CXCL17: variants seen among roughly 807,000 people sequenced by gnomAD.
CXCL17 encodes C-X-C motif chemokine 17.
In CXCL17, 9 loss-of-function variants were observed where a neutral mutation model predicts 15.5. The observed-to-expected ratio is 0.58, with a 90% CI of 0.35 to 1.01. The LOEUF (loss-of-function observed/expected upper bound fraction) is 1.01, where lower values mean the gene tolerates loss of function less well. Ranked by LOEUF, CXCL17 falls within the 50% of genes least tolerant of loss-of-function variation. The pLI is 0.02. For synonymous variants in CXCL17, 52 were observed against 52.3 expected (o/e 0.99, Z 0.02); for missense variants, 133 against 138.2 (o/e 0.96, Z 0.19).
At chr19:42,438,660 A>G (rs1321184309) in intron 1 of CXCL17, among the ~76,000 whole-genome samples, 1 of 151,920 alleles carries the variant, frequency 6.6e-6, no homozygotes, top group African/African-American at 2.4e-5. Context: ...CAGTGCCCAT[A>G]GTCTGTAAAT....
At chr19:42,442,029 T>C (rs551702424) in intron 1 of CXCL17, among the ~76,000 whole-genome samples, 1 of 152,222 alleles carries the variant, frequency 6.6e-6, no homozygotes, top group East Asian at 1.9e-4. Flanking sequence ...TTCCTGATCT[T>C]CTATAAAGGT....
intron 1 of CXCL17, among the ~76,000 whole-genome samples, chr19:42,435,852 G>A (rs931505936): frequency 1.3e-5 from 2 of 151,628 alleles, no homozygotes; most frequent in African/African-American, 2.4e-5. Context: ...AAAAGTAGGG[G>A]GGATCCTAGA....
intron 1 of CXCL17, 123 bp downstream of exon 1, chr19:42,442,631 G>A: frequency 1.5e-6 from 1 of 655,848 alleles, no homozygotes; most frequent in Non-Finnish European, 2.7e-6. Flanking sequence ...GAGGAAACTG[G>A]CATTGAGAAA....
intron 1 of CXCL17, among the ~76,000 whole-genome samples, chr19:42,435,828 T>TAA (rs34518705): frequency 8.5e-4 from 117 of 136,854 alleles, no homozygotes; most frequent in East Asian, 1.5e-3. Context: ...AGACTTTGTC[T>TAA]AAAAAAAAAA....
In CXCL17 at chr19:42,433,779, T is replaced by C; in HGVS notation, c.157A>G (p.Lys53Glu). The part of the protein sequence containing the change: ...LQEGGQECEC[K>E]DWFLRAPRRK... Reference sequence around the variant, plus strand: ...TTGTTGTTGCTGAATTACTGACCTTTGCACTCACATTCTTGGCCGCCTTCC... The same window carrying C: ...TTGTTGTTGCTGAATTACTGACCTTCGCACTCACATTCTTGGCCGCCTTCC... The change falls in exon 2 of 4, where the codon AAA becomes GAA. Residue 53 changes from lysine (K) to glutamate (E), a missense_variant. Lys to Glu is a moderately conservative substitution (Grantham distance 56). Transcript: ENST00000601181. 1.9e-6 allele frequency: 3 copies of C among 1,613,848 alleles called. No individual in the cohort carries two copies. Among genetic ancestry groups the C allele is most frequent in the Non-Finnish European group, 2.5e-6 (3 of 1,179,818 alleles).
chr19:42,432,866 G>T, intron 3 of CXCL17, 110 bp downstream of exon 3: 1 of 786,234 alleles, frequency 1.3e-6, no homozygotes, highest in Non-Finnish European at 2.2e-6. Context: ...TGAGTTGTGT[G>T]CTTATCCTGG....
At chr19:42,433,478 T>C (rs112780762) in intron 2 of CXCL17, among the ~76,000 whole-genome samples, 1 of 151,770 alleles carries the variant, frequency 6.6e-6, no homozygotes, top group African/African-American at 2.4e-5. Flanking sequence ...AGGAAGCTTT[T>C]GGAAGGCCAG....
At chr19:42,437,895 T>G (rs7254839) in intron 1 of CXCL17, among the ~76,000 whole-genome samples, 11,129 of 152,124 alleles carry the variant, frequency 0.073, 1,325 homozygotes, top group African/African-American at 0.25. Context: ...GTTAATAATA[T>G]TCCTCCCTTA....
intron 1 of CXCL17, 75 bp from the exon 2 acceptor site, chr19:42,433,931 A>G: frequency 9.7e-7 from 1 of 1,033,088 alleles, no homozygotes; most frequent in South Asian, 1.3e-5. Flanking sequence ...TGTTCTACCT[A>G]GGTCAGCACA....
intron 3 of CXCL17, 53 bp from the exon 4 acceptor site, chr19:42,429,034 CTTT>C: frequency 8.1e-7 from 1 of 1,227,624 alleles, no homozygotes; most frequent in Non-Finnish European, 1.1e-6. Flanking sequence ...TTTAACATTT[CTTT>C]TTTTTTTGGA....
At chr19:42,439,253 CAAAAAAAAA>C (rs58768697) in intron 1 of CXCL17, among the ~76,000 whole-genome samples, 1 of 77,510 alleles carries the variant, frequency 1.3e-5, no homozygotes, top group African/African-American at 4.4e-5. Flanking sequence ...GACTCTATCT[CAAAAAAAAA>C]AAAAAAAAAA....
At chr19:42,440,845 G>C (rs1413311305) in intron 1 of CXCL17, among the ~76,000 whole-genome samples, 1 of 151,388 alleles carries the variant, frequency 6.6e-6, no homozygotes, top group Non-Finnish European at 1.5e-5. Context: ...GTTGACCAAG[G>C]GTGGTTCCCC....
At chr19:42,437,379 A>G (rs2040844219) in intron 1 of CXCL17, among the ~76,000 whole-genome samples, 1 of 152,250 alleles carries the variant, frequency 6.6e-6, no homozygotes, top group African/African-American at 2.4e-5. Context: ...TAAAGTAAAA[A>G]GAAGCTTATT....
intron 1 of CXCL17, among the ~76,000 whole-genome samples, chr19:42,436,660 A>G (rs756954759): frequency 2.6e-5 from 4 of 152,192 alleles, no homozygotes; most frequent in African/African-American, 4.8e-5. Context: ...TTTTCCATTC[A>G]TAGGCATGTT....
chr19:42,442,920 G>T lies in CXCL17; in HGVS notation c.-88C>A. On this transcript the variant is annotated 5_prime_UTR_variant, in exon 1 of 4. Transcript: ENST00000601181. Reference sequence around the variant, plus strand: ...CTCCTGATCCCTGGGGATGACTCAGGTCAGGATACTCAGCCTGGTGGTCTA... The same window carrying T: ...CTCCTGATCCCTGGGGATGACTCAGTTCAGGATACTCAGCCTGGTGGTCTA... The T allele has an allele frequency of 2.1e-6, 2 of 974,202 alleles. No individual in the cohort carries two copies. The highest frequency in any genetic ancestry group is 3.2e-6 in the Non-Finnish European group (2 of 628,436). 60.3% of individuals were successfully genotyped at this position (974,202 alleles called of 1,614,324 possible). A position where few individuals can be genotyped will look rare whatever the true frequency, so the allele number is the denominator to read the frequency against.
In CXCL17 at chr19:42,428,949, G is replaced by A; in HGVS notation, c.295C>T (p.His99Tyr). Residue 99 changes from histidine to tyrosine, a missense_variant, in exon 4 of 4, where the codon CAT (histidine) becomes TAT (tyrosine). His to Tyr is a moderately conservative substitution (Grantham distance 83). Coordinates refer to ENST00000601181, the MANE Select transcript of CXCL17 (RefSeq NM_198477.3). ...AGAAATTGCTGGCAGGCTCTGGAAT[G>A]CTTGTTTGGCTTTCTGTGGTGCCTT... ...HQRHHRKPNK[H>Y]SRACQQFLKQ... The A allele has an allele frequency of 6.2e-7, 1 of 1,614,184 alleles. No homozygotes were observed.
chr19:42,437,186 C>T (rs984520007), intron 1 of CXCL17, among the ~76,000 whole-genome samples: 1 of 152,172 alleles, frequency 6.6e-6, no homozygotes, highest in East Asian at 1.9e-4. Flanking sequence ...ATCCGCTCCC[C>T]TCGGCCTCCC....
chr19:42,440,494 C>T (rs186628246), intron 1 of CXCL17, among the ~76,000 whole-genome samples: 1 of 152,272 alleles, frequency 6.6e-6, no homozygotes, highest in East Asian at 1.9e-4. Flanking sequence ...ACCCACTCGA[C>T]GTGGTTTGTG....
chr19:42,432,144 T>TTG (rs1342613546), intron 3 of CXCL17, among the ~76,000 whole-genome samples: 3 of 144,224 alleles, frequency 2.1e-5, no homozygotes, highest in African/African-American at 7.9e-5. Flanking sequence ...CAATTTAGTT[T>TTG]TTTTTTTTTT....
Sources: gnomAD v4.1 joint callset for allele counts (sites outside exome capture counted in the v4.1 genomes callset) on GRCh38, gnomAD v4.1.1 for gene constraint, MANE v1.5 for transcripts, NCBI Gene and HGNC (gene_info 2026-07-23, HGNC 2026-07-21) for gene names.